Variants in ZFHX4 observed in about 807,000 individuals in gnomAD.
ZFHX4 encodes zinc finger homeobox 4.
In ZFHX4, 56 loss-of-function variants were observed where a neutral mutation model predicts 267.6. That is an observed-to-expected ratio of 0.21 (90% confidence interval 0.17 to 0.26). ZFHX4 has a LOEUF of 0.26. ZFHX4 is among the 10% of genes least tolerant of loss of function. ZFHX4 has a pLI of 1.00. For missense variants in ZFHX4, 4,332 were observed against 4,420.0 expected (o/e 0.98, Z 0.56); for synonymous variants, 1,778 against 1,665.6 (o/e 1.07, Z -1.64).
chr8:76,776,601 T>C (rs1182802091), intron 3 of ZFHX4, among the ~76,000 whole-genome samples: 3 of 152,178 alleles, frequency 2.0e-5, no homozygotes, highest in Non-Finnish European at 2.9e-5. Flanking sequence ...ATCTTTTGAA[T>C]CTTTCAGGTC....
At chr8:76,794,067 AT>A (rs1256098633) in intron 4 of ZFHX4, among the ~76,000 whole-genome samples, 2 of 152,122 alleles carry the variant, frequency 1.3e-5, no homozygotes, top group Non-Finnish European at 2.9e-5. Flanking sequence ...GAACTTTTTT[AT>A]TTTTTTGGTG....
intron 4 of ZFHX4, among the ~76,000 whole-genome samples, chr8:76,805,567 C>A (rs1811223394): frequency 6.6e-6 from 1 of 150,728 alleles, no homozygotes; most frequent in Non-Finnish European, 1.5e-5. Flanking sequence ...TGGCATTTGT[C>A]CTTGGTGTGA....
intron 1 of ZFHX4, chr8:76,683,354 C>A (rs1293153600): frequency 7.4e-6 from 1 of 135,820 alleles, no homozygotes; most frequent in Admixed American, 7.8e-5. Flanking sequence ...TCCCCTCCCC[C>A]CTTCCAAAAA....
chr8:76,720,836 A>T (rs1220520646), intron 3 of ZFHX4, among the ~76,000 whole-genome samples: 2 of 152,194 alleles, frequency 1.3e-5, no homozygotes, highest in East Asian at 3.8e-4. Flanking sequence ...TACTATTATT[A>T]TACCCATTTT....
At chr8:76,740,608 GA>G (rs1191898682) in intron 3 of ZFHX4, among the ~76,000 whole-genome samples, 1 of 152,138 alleles carries the variant, frequency 6.6e-6, no homozygotes, top group Non-Finnish European at 1.5e-5. Context: ...GAAATGGGGA[GA>G]GGGGAAGTAT....
rs1373152039 is a variant in ZFHX4 at position 76,854,304 on chromosome 8, A to T, written c.7383A>T (p.Arg2461Ser). 1 of 1,610,418 alleles carries T rather than the reference A, an allele frequency of 6.2e-7. No homozygotes were observed. Among genetic ancestry groups the T allele is most frequent in the Non-Finnish European group, 8.5e-7 (1 of 1,178,386 alleles). ...CAAAACAACCCCAACTTATCGGAAG[A>T]CCTCCCTCGGCCTCTCAAACACCGG... Reference protein sequence around the residue: ...QPPKQPQLIGRPPSASQTPVP... With the variant: ...QPPKQPQLIGSPPSASQTPVP... The change falls in exon 10 of 11, where the codon AGA becomes AGT. Residue 2461 changes from arginine to serine, a missense_variant. Around this residue, in one of 7 missense-constraint regions of ZFHX4, gnomAD observed 1,648 missense variants for 1,625.0 expected, o/e 1.01. Coordinates refer to ENST00000651372, the MANE Select transcript of ZFHX4 (RefSeq NM_024721.5).
chr8:76,865,545 C>T lies in ZFHX4; in HGVS notation c.*980C>T, dbSNP rs1386619752. The T allele has an allele frequency of 6.6e-6, 1 of 152,394 alleles. No individual in the cohort carries two copies. Among genetic ancestry groups the T allele is most frequent in the Non-Finnish European group, 1.5e-5 (1 of 67,996 alleles). The allele number at this position is 152,394 out of a possible 1,614,324, so 9.4% of individuals were successfully genotyped here. On this transcript the variant is annotated 3_prime_UTR_variant, in exon 11 of 11. Transcript: ENST00000651372. ...TGTAGTGCAGCAACAGTTTGGTCTG[C>T]ATTTGTTAGAAGTTTAACTCCTAAC...
At chr8:76,772,996 G>C (rs1463760009) in intron 3 of ZFHX4, among the ~76,000 whole-genome samples, 1 of 152,124 alleles carries the variant, frequency 6.6e-6, no homozygotes, top group Non-Finnish European at 1.5e-5. Flanking sequence ...CTCGTTGTAT[G>C]AGGTTATATT....
In ZFHX4 at chr8:76,706,690, C is replaced by T; in HGVS notation, c.2590+12C>T. On this transcript the variant is annotated intron_variant, in intron 2 of 10. Coordinates refer to ENST00000651372, the MANE Select transcript of ZFHX4 (RefSeq NM_024721.5). ...GGCACCAGGGCTCGGTTAGTATTTC[C>T]TGCTTTTCTGCACTGTTGTTAGTTT... 2.6e-6 allele frequency: 4 copies of T among 1,545,812 alleles called. No homozygotes were observed. Among genetic ancestry groups the T allele is most frequent in the Non-Finnish European group, 3.5e-6 (4 of 1,149,706 alleles).
At chr8:76,788,101 C>A (rs1810740885) in intron 4 of ZFHX4, among the ~76,000 whole-genome samples, 1 of 152,004 alleles carries the variant, frequency 6.6e-6, no homozygotes, top group African/African-American at 2.4e-5. Flanking sequence ...GTCAGGAAGG[C>A]CTGAGGAGTT....
intron 4 of ZFHX4, among the ~76,000 whole-genome samples, chr8:76,797,884 GTA>G (rs1329917534): frequency 2.1e-5 from 3 of 142,122 alleles, no homozygotes; most frequent in Admixed American, 7.1e-5. Context: ...GTGTGTGTCT[GTA>G]TGTGTGTGTG....
chr8:76,842,791 C>A lies in ZFHX4; in HGVS notation c.3511+20C>A. 1 of 1,516,052 alleles carries A rather than the reference C, an allele frequency of 6.6e-7. No individual in the cohort carries two copies. Among genetic ancestry groups the A allele is most frequent in the South Asian group, 1.2e-5 (1 of 83,062 alleles). The allele number at this position is 1,516,052 out of a possible 1,614,324, so 93.9% of individuals were successfully genotyped here. ...ACTCTGGTAAGATGCAAGAATCTTTCACCTCGGCATTTCCCTATACCCATT... is the reference window on the plus strand; with the variant it reads ...ACTCTGGTAAGATGCAAGAATCTTTAACCTCGGCATTTCCCTATACCCATT... On this transcript the variant is annotated intron_variant, in intron 6 of 10. Coordinates refer to ENST00000651372, the MANE Select transcript of ZFHX4 (RefSeq NM_024721.5).
chr8:76,712,798 C>G (rs1454809774), intron 3 of ZFHX4, among the ~76,000 whole-genome samples: 1 of 151,972 alleles, frequency 6.6e-6, no homozygotes, highest in Admixed American at 6.6e-5. Context: ...GATTTATGTT[C>G]ATTTCAAGGT....
At chr8:76,731,951 C>G (rs1026245090) in intron 3 of ZFHX4, among the ~76,000 whole-genome samples, 1 of 151,506 alleles carries the variant, frequency 6.6e-6, no homozygotes, top group African/African-American at 2.4e-5. Flanking sequence ...AAGCTATTCT[C>G]CTGCCTCAGC....
At chr8:76,686,717 A>G (rs752207537) in intron 1 of ZFHX4, among the ~76,000 whole-genome samples, 3 of 152,182 alleles carry the variant, frequency 2.0e-5, no homozygotes, top group Non-Finnish European at 4.4e-5. Context: ...CATTTTCTTG[A>G]AATGAATGTT....
chr8:76,830,547 A>T (rs1309185667), intron 4 of ZFHX4, among the ~76,000 whole-genome samples: 1 of 152,314 alleles, frequency 6.6e-6, no homozygotes, highest in East Asian at 1.9e-4. Context: ...ATATAGATTC[A>T]TCATTTCATT....
At chr8:76,807,023 A>G (rs1296338576) in intron 4 of ZFHX4, among the ~76,000 whole-genome samples, 3 of 152,154 alleles carry the variant, frequency 2.0e-5, no homozygotes, top group Admixed American at 1.3e-4. Flanking sequence ...GCCACTTGCT[A>G]TCACTTAATT....
Position 76,854,292 on chromosome 8 carries a change from A to G in ZFHX4, c.7371A>G (p.Gln2457=), listed in dbSNP as rs951998374. 5 of 1,604,274 alleles carry G rather than the reference A, an allele frequency of 3.1e-6. No individual in the cohort carries two copies. The African/African-American group carries it at 5.4e-5, about 17-fold the overall frequency. The stretch of plus-strand genomic sequence containing the variant: ...AGCCACAGCCACCAAAACAACCCCA[A>G]CTTATCGGAAGACCTCCCTCGGCCT... ...QPQPQPPKQP[Q]LIGRPPSASQ... The change falls in exon 10 of 11, where the codon CAA becomes CAG. Residue 2457 remains glutamine (Q), a synonymous_variant. Coordinates refer to ENST00000651372, the MANE Select transcript of ZFHX4 (RefSeq NM_024721.5).
At chr8:76,684,541 G>T (rs1807642490) in intron 1 of ZFHX4, among the ~76,000 whole-genome samples, 1 of 152,178 alleles carries the variant, frequency 6.6e-6, no homozygotes, top group Non-Finnish European at 1.5e-5. Flanking sequence ...TGGCAATGAA[G>T]ATAGGGTCAA....
Sources: allele counts gnomAD v4.1 joint callset (sites outside exome capture counted in the v4.1 genomes callset), GRCh38; gene constraint gnomAD v4.1.1; regional missense constraint gnomAD v4.1.1; transcripts MANE v1.5; gene names NCBI Gene and HGNC (gene_info 2026-07-23, HGNC 2026-07-21).